Variants in RBM6 observed in about 807,000 individuals in gnomAD.
The protein encoded by RBM6 is RNA binding motif protein 6.
In RBM6, 23 loss-of-function variants were observed where a neutral mutation model predicts 140.4. That is an observed-to-expected ratio of 0.16 (90% CI 0.12 to 0.23). The LOEUF is 0.23. Among genes scored for constraint, RBM6 ranks in the 10% least tolerant of loss-of-function variants. The probability of loss-of-function intolerance (pLI) is 1.00; values close to 1 mark genes in which losing one functional copy is unlikely to be tolerated. For missense variants in RBM6, 1,139 were observed against 1,386.7 expected (o/e 0.82, Z 2.84); for synonymous variants, 439 against 475.6 (o/e 0.92, Z 1.00).
intron 6 of RBM6, among the ~76,000 whole-genome samples, chr3:50,038,428 T>TG (rs1319878964): frequency 2.0e-5 from 3 of 152,248 alleles, no homozygotes; most frequent in Admixed American, 2.0e-4. Context: ...TTTAGAGACC[T>TG]ATTCAATGAA....
At chr3:50,046,674 C>T (rs1156644646) in intron 6 of RBM6, among the ~76,000 whole-genome samples, 2 of 152,006 alleles carry the variant, frequency 1.3e-5, no homozygotes, top group African/African-American at 2.4e-5. Context: ...CCAGATCCTT[C>T]CCTGCATACA....
chr3:50,067,985 G>A (rs951235651), intron 17 of RBM6, among the ~76,000 whole-genome samples: 1 of 152,192 alleles, frequency 6.6e-6, no homozygotes, highest in Non-Finnish European at 1.5e-5. Context: ...TTGACCTGAA[G>A]TTGTGAGTTG....
intron 6 of RBM6, among the ~76,000 whole-genome samples, chr3:50,015,019 A>G (rs1310758245): frequency 1.6e-5 from 2 of 123,856 alleles, no homozygotes; most frequent in African/African-American, 6.2e-5. Context: ...ACTGTACTCC[A>G]GCCTGGCCAA....
chr3:49,986,615 CA>C (rs975838938), intron 5 of RBM6, among the ~76,000 whole-genome samples: 1 of 147,602 alleles, frequency 6.8e-6, no homozygotes, highest in Admixed American at 6.7e-5. Flanking sequence ...AAAAACAAAA[CA>C]AAAAAAAACC....
intron 5 of RBM6, among the ~76,000 whole-genome samples, chr3:49,978,193 G>T (rs1480408738): frequency 6.6e-6 from 1 of 152,082 alleles, no homozygotes; most frequent in East Asian, 1.9e-4. Context: ...TAGAGGCGCG[G>T]TCTCACTATG....
chr3:49,981,308 CCAT>C (rs1407250301), intron 5 of RBM6, among the ~76,000 whole-genome samples: 1 of 152,138 alleles, frequency 6.6e-6, no homozygotes, highest in Non-Finnish European at 1.5e-5. Flanking sequence ...GGATCCTGGA[CCAT>C]CATCATCTCT....
intron 1 of RBM6, among the ~76,000 whole-genome samples, chr3:49,954,339 C>G (rs1401789101): frequency 6.6e-6 from 1 of 151,030 alleles, no homozygotes; most frequent in Non-Finnish European, 1.5e-5. Flanking sequence ...ACTTGGCAGG[C>G]TGAGGCAGAA....
chr3:49,983,210 A>G (rs913718803), intron 5 of RBM6, among the ~76,000 whole-genome samples: 1 of 152,230 alleles, frequency 6.6e-6, no homozygotes. Context: ...AAATATTTTG[A>G]GTCTTTACTT....
intron 1 of RBM6, among the ~76,000 whole-genome samples, chr3:49,953,222 A>ATT (rs111757077): frequency 8.0e-4 from 113 of 141,980 alleles, no homozygotes; most frequent in Non-Finnish European, 8.4e-4. Flanking sequence ...CACCTTGCTA[A>ATT]TTTTTTTTTT....
intron 6 of RBM6, among the ~76,000 whole-genome samples, chr3:50,013,369 T>C (rs2108773475): frequency 6.6e-6 from 1 of 152,094 alleles, no homozygotes; most frequent in South Asian, 2.1e-4. Flanking sequence ...TTATAGGTCT[T>C]TTAAAAAAAA....
At chr3:50,047,377 A>T in intron 6 of RBM6, 1 of 970,512 alleles carries the variant, frequency 1.0e-6, no homozygotes, top group Non-Finnish European at 1.2e-6. Context: ...TAGGCAGAGA[A>T]TTTTTTTCCC....
chr3:50,077,226 T>C lies in RBM6; in HGVS notation c.*93T>C. The C allele has an allele frequency of 7.4e-7, 1 of 1,358,670 alleles. No individual in the cohort carries two copies. Among genetic ancestry groups the C allele is most frequent in the East Asian group, 2.7e-5 (1 of 37,424 alleles). 84.2% of individuals were successfully genotyped at this position (1,358,670 alleles called of 1,614,324 possible). A position where few individuals can be genotyped will look rare whatever the true frequency, so the allele number is the denominator to read the frequency against. ...ACTGTTCTTGCTGCTAGAACTTTTT[T>C]AAATAAACTTTTTTTCAATGTGATT... On this transcript the variant is annotated 3_prime_UTR_variant, in exon 21 of 21. Transcript: ENST00000266022.
chr3:50,024,229 A>G lies in RBM6; in HGVS notation c.1558-24016A>G, dbSNP rs74676705. Among the ~76,000 whole-genome samples, 25 of 152,308 alleles carry G rather than the reference A, an allele frequency of 1.6e-4. No homozygotes were observed. In the East Asian group the frequency reaches 3.5e-3, roughly 21 times the overall value. On this transcript the variant is annotated intron_variant, in intron 6 of 20. Coordinates refer to ENST00000266022, the MANE Select transcript of RBM6 (RefSeq NM_005777.3). ...TAAAATAGACTTTTGAAGTGTGCAA[A>G]TGGAAAGAACAGTCCTTCTAAATAA...
intron 6 of RBM6, chr3:50,047,171 A>G (rs2089263357): frequency 1.0e-6 from 1 of 984,832 alleles, no homozygotes; most frequent in Non-Finnish European, 1.2e-6. Flanking sequence ...GAGGTAAAGC[A>G]TTATTTGACA....
intron 7 of RBM6, among the ~76,000 whole-genome samples, chr3:50,048,922 C>T (rs1270396254): frequency 1.3e-5 from 2 of 152,076 alleles, no homozygotes; most frequent in Non-Finnish European, 2.9e-5. Context: ...GCTGCCTCAG[C>T]CTCCCGAGTA....
chr3:50,044,515 G>A (rs1336026395), intron 6 of RBM6, among the ~76,000 whole-genome samples: 3 of 151,716 alleles, frequency 2.0e-5, no homozygotes, highest in Admixed American at 6.6e-5. Flanking sequence ...CTTGGGAGGC[G>A]GAGGTTGCAG....
At chr3:50,042,336 G>C (rs1398789685) in intron 6 of RBM6, among the ~76,000 whole-genome samples, 3 of 152,168 alleles carry the variant, frequency 2.0e-5, no homozygotes, top group Non-Finnish European at 4.4e-5. Flanking sequence ...TCAGTACAAA[G>C]TATAACTACA....
At chr3:50,047,696 C>T (rs2089286792) in intron 6 of RBM6, among the ~76,000 whole-genome samples, 1 of 152,172 alleles carries the variant, frequency 6.6e-6, no homozygotes, top group Admixed American at 6.5e-5. Context: ...AAGCTTTCAC[C>T]TTCCTCCTTT....
intron 6 of RBM6, among the ~76,000 whole-genome samples, chr3:50,006,565 A>G (rs1029607783): frequency 2.0e-5 from 3 of 152,180 alleles, no homozygotes; most frequent in Non-Finnish European, 4.4e-5. Context: ...CAAGTGGCTT[A>G]ACCTCTCTGT....
Sources: gnomAD v4.1 joint callset for allele counts (sites outside exome capture counted in the v4.1 genomes callset) on GRCh38, gnomAD v4.1.1 for gene constraint, MANE v1.5 for transcripts, NCBI Gene and HGNC (gene_info 2026-07-23, HGNC 2026-07-21) for gene names.